Variants in WWOX observed in about 807,000 individuals in gnomAD.
WWOX encodes the protein WW domain-containing oxidoreductase.
WWOX carries 69 observed loss-of-function variants against 46.2 expected under a neutral mutation model. The ratio of observed to expected loss-of-function variants is 1.49; its 90% CI spans 1.23 to 1.82. The LOEUF (loss-of-function observed/expected upper bound fraction) is 1.82, where lower values mean the gene tolerates loss of function less well. Ranked by LOEUF, WWOX falls within the 40% of genes most tolerant of loss-of-function variation. WWOX has a pLI of 0.00. For synonymous variants in WWOX, 359 were observed against 202.6 expected, an observed-to-expected ratio of 1.77 and a Z score of -6.56; for missense variants, 919 against 542.6, an observed-to-expected ratio of 1.69 and a Z score of -6.89.
intron 5 of WWOX, among the ~76,000 whole-genome samples, chr16:78,292,980 A>G (rs1209196737): frequency 6.6e-6 from 1 of 152,010 alleles, no homozygotes; most frequent in African/African-American, 2.4e-5. Context: ...TGTTGAACAG[A>G]CTCTGGAAAA....
At chr16:78,606,880 G>T (rs2045773161) in intron 8 of WWOX, among the ~76,000 whole-genome samples, 2 of 152,090 alleles carry the variant, frequency 1.3e-5, no homozygotes, top group South Asian at 4.1e-4. Context: ...GAGTGGGCAG[G>T]GATTGTTGGG....
intron 8 of WWOX, chr16:78,526,185 T>C (rs2043462106): frequency 1.3e-5 from 2 of 152,164 alleles, no homozygotes; most frequent in South Asian, 2.1e-4. Context: ...TCACCAGTAG[T>C]GGAGCTAGGG....
At chr16:79,104,032 T>A (rs369887522) in intron 8 of WWOX, among the ~76,000 whole-genome samples, 26 of 16,202 alleles carry the variant, frequency 1.6e-3, no homozygotes, top group African/African-American at 5.8e-3. Flanking sequence ...GGTGGTGCCC[T>A]TTTTTGGGGG....
chr16:78,531,149 T>C (rs1405635450), intron 8 of WWOX, among the ~76,000 whole-genome samples: 1 of 152,210 alleles, frequency 6.6e-6, no homozygotes, highest in Non-Finnish European at 1.5e-5. Context: ...CTTGCTAGGT[T>C]CTCACAATGT....
At chr16:78,222,849 C>A (rs2036935864) in intron 5 of WWOX, among the ~76,000 whole-genome samples, 2 of 152,218 alleles carry the variant, frequency 1.3e-5, no homozygotes, top group Admixed American at 1.3e-4. Context: ...GATAAGTAAT[C>A]TCACAAAAGA....
chr16:78,935,435 A>C (rs1055533457), intron 8 of WWOX, among the ~76,000 whole-genome samples: 6 of 152,188 alleles, frequency 3.9e-5, no homozygotes, highest in African/African-American at 9.7e-5. Flanking sequence ...TAAAAAAAGG[A>C]TGAGTTCATG....
At chr16:78,163,941 C>G (rs1426534356) in intron 4 of WWOX, among the ~76,000 whole-genome samples, 1 of 152,010 alleles carries the variant, frequency 6.6e-6, no homozygotes, top group Non-Finnish European at 1.5e-5. Context: ...CAGGGGCTGC[C>G]CTGTTCATGG....
At chr16:78,185,444 C>T (rs1796914821) in intron 5 of WWOX, among the ~76,000 whole-genome samples, 8 of 151,854 alleles carry the variant, frequency 5.3e-5, no homozygotes, top group Admixed American at 5.2e-4. Context: ...GCATACAAAT[C>T]CTCGAAGCCG....
chr16:78,160,199 T>C (rs1246133641), intron 4 of WWOX, among the ~76,000 whole-genome samples: 1 of 152,168 alleles, frequency 6.6e-6, no homozygotes, highest in Non-Finnish European at 1.5e-5. Flanking sequence ...TTCTTTTTTT[T>C]TGGAGCAAGA....
chr16:79,042,461 C>T (rs535245524), intron 8 of WWOX, among the ~76,000 whole-genome samples: 2 of 152,306 alleles, frequency 1.3e-5, no homozygotes, highest in South Asian at 4.1e-4. Context: ...TTATCTTCCT[C>T]TGCCCAGTGT....
intron 8 of WWOX, among the ~76,000 whole-genome samples, chr16:78,830,912 C>T (rs566404659): frequency 2.2e-4 from 33 of 152,104 alleles, no homozygotes; most frequent in East Asian, 1.9e-4. Context: ...GCGTCTTCTT[C>T]ATTTATTTAT....
At position 78,598,307 on chromosome 16, in the gene WWOX, G is replaced by T. The variant is rs551694539; in HGVS notation, c.1056+165555G>T. ...GTTTAATAAACGGATTGTGTTTTAA[G>T]ATGTGTAAGACTGTCTGTCACGTGG... is the stretch of plus-strand genomic sequence containing the variant. On this transcript the variant is annotated intron_variant, in intron 8 of 8. Transcript: ENST00000566780. 2.0e-4 allele frequency among the ~76,000 whole-genome samples: 31 copies of T among 152,314 alleles called. No individual in the cohort carries two copies. In the South Asian group the frequency reaches 6.2e-3, roughly 31 times the overall value.
intron 8 of WWOX, among the ~76,000 whole-genome samples, chr16:78,436,073 G>A (rs1420339008): frequency 3.3e-5 from 5 of 152,282 alleles, no homozygotes; most frequent in African/African-American, 7.2e-5. Flanking sequence ...ACTGGAGAGC[G>A]TGGTCAAATG....
intron 5 of WWOX, among the ~76,000 whole-genome samples, chr16:78,218,008 C>T (rs1022677543): frequency 3.9e-5 from 6 of 152,140 alleles, no homozygotes; most frequent in Admixed American, 2.6e-4. Context: ...CTCACCCCCT[C>T]AATTTTTTTA....
At chr16:78,833,145 G>A (rs1054085811) in intron 8 of WWOX, among the ~76,000 whole-genome samples, 1 of 151,578 alleles carries the variant, frequency 6.6e-6, no homozygotes, top group African/African-American at 2.4e-5. Context: ...AGGCTCAAGC[G>A]ATCCTCCAGC....
At chr16:78,384,091 T>C (rs12598242) in intron 5 of WWOX, among the ~76,000 whole-genome samples, 3,944 of 152,284 alleles carry the variant, frequency 0.026, 306 homozygotes, top group East Asian at 0.17. Flanking sequence ...TCTGGGAATG[T>C]TCTTCCTGTT....
intron 8 of WWOX, among the ~76,000 whole-genome samples, chr16:78,945,471 G>C (rs1341938755): frequency 1.3e-5 from 2 of 152,132 alleles, no homozygotes; most frequent in Non-Finnish European, 2.9e-5. Context: ...AACTAAAAAA[G>C]TTTTGGGGTT....
At chr16:78,966,833 C>T (rs530646786) in intron 8 of WWOX, among the ~76,000 whole-genome samples, 1 of 152,196 alleles carries the variant, frequency 6.6e-6, no homozygotes, top group South Asian at 2.1e-4. Flanking sequence ...CTTTGGGCCT[C>T]GGGTACTAAA....
At chr16:78,168,369 C>T (rs573268260) in intron 5 of WWOX, 6 of 152,286 alleles carry the variant, frequency 3.9e-5, no homozygotes, top group East Asian at 3.9e-4. Flanking sequence ...TTTATCAAAT[C>T]CCTGTCATAT....
Sources: gnomAD v4.1 joint callset for allele counts (sites outside exome capture counted in the v4.1 genomes callset) on GRCh38, gnomAD v4.1.1 for gene constraint, MANE v1.5 for transcripts, NCBI Gene and HGNC (gene_info 2026-07-23, HGNC 2026-07-21) for gene names.